The following FOXP4 variants were observed in gnomAD, a reference collection of about 807,000 sequenced individuals.
The protein encoded by FOXP4 is forkhead box protein P4.
FOXP4 carries 25 observed loss-of-function variants against 82.6 expected under a neutral mutation model. The observed-to-expected ratio is 0.30, with a 90% confidence interval of 0.22 to 0.42. The LOEUF is 0.42. FOXP4 is among the 10% of genes least tolerant of loss of function. The pLI is 1.00. For synonymous variants in FOXP4, 415 were observed against 388.2 expected, an observed-to-expected ratio of 1.07 and a Z score of -0.81; for missense variants, 785 against 900.9, an observed-to-expected ratio of 0.87 and a Z score of 1.65.
Position 41,593,607 on chromosome 6 carries a change from C to T in FOXP4, c.1537-1263C>T, listed in dbSNP as rs931499918. Among the ~76,000 whole-genome samples the T allele has an allele frequency of 1.3e-5, 2 of 152,210 alleles. No homozygotes were observed. Among genetic ancestry groups the T allele is most frequent in the African/African-American group, 4.8e-5 (2 of 41,452 alleles). On this transcript the variant is annotated intron_variant, in intron 13 of 16. Coordinates refer to ENST00000307972, the MANE Select transcript of FOXP4 (RefSeq NM_001012426.2). The surrounding 1 kb of genome is among the most constrained non-coding windows in gnomAD (Gnocchi z 4.1). ...CATTCTCATTTGCAAAGCGGAGGAT[C>T]GGAGCCCCGTAATGCGGGCAAATTT... is the stretch of plus-strand genomic sequence containing the variant.
At chr6:41,554,021 G>T (rs1395962337) in intron 1 of FOXP4, among the ~76,000 whole-genome samples, 1 of 152,172 alleles carries the variant, frequency 6.6e-6, no homozygotes, top group African/African-American at 2.4e-5. Context: ...GTTGTGGCAG[G>T]TAGAGCTAGG....
At chr6:41,586,908 C>T in intron 5 of FOXP4, 101 bp from the exon 6 acceptor site, 1 of 1,451,724 alleles carries the variant, frequency 6.9e-7, no homozygotes, top group Admixed American at 2.6e-5. Context: ...GCTCCAGGGG[C>T]TGACAGGCCC....
chr6:41,589,130 C>G (rs1425707760), intron 9 of FOXP4, among the ~76,000 whole-genome samples: 4 of 152,232 alleles, frequency 2.6e-5, no homozygotes, highest in Non-Finnish European at 4.4e-5. Flanking sequence ...AACAGGCACA[C>G]AGAGCTAAAG....
chr6:41,572,335 C>T (rs1397410921), intron 2 of FOXP4, among the ~76,000 whole-genome samples: 1 of 152,186 alleles, frequency 6.6e-6, no homozygotes, highest in African/African-American at 2.4e-5. Context: ...CTCCATGGGA[C>T]ACTCGCCACC....
chr6:41,582,229 T>C (rs1440936855), intron 3 of FOXP4, among the ~76,000 whole-genome samples: 1 of 152,246 alleles, frequency 6.6e-6, no homozygotes, highest in East Asian at 1.9e-4. Context: ...GGCAGGTTAT[T>C]TAACCTCTCT....
intron 2 of FOXP4, among the ~76,000 whole-genome samples, chr6:41,566,822 T>C (rs540804626): frequency 3.4e-4 from 52 of 152,268 alleles, no homozygotes; most frequent in African/African-American, 1.2e-3. Flanking sequence ...GGGCGGGGTA[T>C]GCTAGGAACA....
rs756494063 is a variant in FOXP4 at position 41,597,776 on chromosome 6, T to C, written c.1726-5T>C. ...CTGACGAGGCCCAACCCTGTGCCCC[T>C]GCAGGCCGCCCTGGCCGAGAGCAGC... On this transcript the variant is annotated splice_polypyrimidine_tract_variant and splice_region_variant and intron_variant, in intron 15 of 16. Coordinates refer to ENST00000307972, the MANE Select transcript of FOXP4 (RefSeq NM_001012426.2). 3.7e-6 allele frequency: 6 copies of C among 1,604,790 alleles called. No individual in the cohort carries two copies. The South Asian group carries it at 6.6e-5, about 18-fold the overall frequency.
At chr6:41,592,029 G>T (rs1389198348) in intron 13 of FOXP4, among the ~76,000 whole-genome samples, 1 of 151,938 alleles carries the variant, frequency 6.6e-6, no homozygotes, top group Non-Finnish European at 1.5e-5. Flanking sequence ...CTCAAGGTGG[G>T]AAGGTGATAT....
chr6:41,595,053 C>T, intron 14 of FOXP4, 62 bp downstream of exon 14: 1 of 1,605,712 alleles, frequency 6.2e-7, no homozygotes, highest in Non-Finnish European at 8.5e-7. Flanking sequence ...AACTCACCCC[C>T]ACCCCCTACC....
intron 3 of FOXP4, among the ~76,000 whole-genome samples, chr6:41,582,430 C>T (rs1291741416): frequency 6.6e-6 from 1 of 152,218 alleles, no homozygotes; most frequent in Non-Finnish European, 1.5e-5. Flanking sequence ...CCCAGTTAGC[C>T]GACCGGGAAA....
rs1199670770 is a variant in FOXP4, at chr6:41,578,004, C to T, written c.223C>T (p.Gln75Ter). The part of the protein sequence containing the change: ...QQQQALQVAR[Q>*]FLLQQASGLS... ...CTTGCAGGCTCTCCAAGTGGCCCGG[C>T]AGTTCCTGCTGCAGCAGGCCTCAGG... Residue 75 changes from glutamine (Q) to a stop codon, truncating the protein, a stop_gained, in exon 3 of 17, where the codon CAG becomes TAG. Transcript: ENST00000307972. LOFTEE classifies it high-confidence loss of function. 1 of 1,612,832 alleles carries T rather than the reference C, an allele frequency of 6.2e-7. No homozygotes were observed. The highest frequency in any genetic ancestry group is 1.1e-5 in the South Asian group (1 of 91,068).
At chr6:41,573,574 G>A (rs1011992713) in intron 2 of FOXP4, among the ~76,000 whole-genome samples, 2 of 152,178 alleles carry the variant, frequency 1.3e-5, no homozygotes, top group Non-Finnish European at 2.9e-5. Context: ...TGGTTAGCAA[G>A]GCCTTCTGGG....
rs1764857476 is a variant in FOXP4 at position 41,565,961 on chromosome 6, A to G, written c.201A>G (p.Gln67=). The change falls in exon 2 of 17, where the codon CAA becomes CAG. Residue 67 remains glutamine (Q), a synonymous_variant. Coordinates refer to ENST00000307972, the MANE Select transcript of FOXP4 (RefSeq NM_001012426.2). ...SPAELLHFQQ[Q]QALQVARQFL... is the part of the protein sequence containing the mutation. ...CAGAGCTGCTGCACTTCCAGCAGCA[A>G]CAGGTAGGAACTGGTGCGCCTTGGG... The G allele has an allele frequency of 6.2e-7, 1 of 1,612,462 alleles. No individual in the cohort carries two copies. The highest frequency in any genetic ancestry group is 8.5e-7 in the Non-Finnish European group (1 of 1,179,288).
intron 8 of FOXP4, among the ~76,000 whole-genome samples, chr6:41,588,348 C>A (rs143235157): frequency 2.4e-4 from 36 of 152,336 alleles, no homozygotes; most frequent in African/African-American, 8.4e-4. Context: ...GTCTCCCAGA[C>A]CCTTGCAGCA....
intron 1 of FOXP4, among the ~76,000 whole-genome samples, chr6:41,561,591 G>C (rs145341429): frequency 1.7e-3 from 260 of 152,172 alleles, no homozygotes; most frequent in African/African-American, 5.9e-3. Context: ...GCATGGATTG[G>C]GAAGATAGGG....
chr6:41,582,167 G>A (rs1052724064), intron 3 of FOXP4, among the ~76,000 whole-genome samples: 5 of 152,212 alleles, frequency 3.3e-5, no homozygotes, highest in African/African-American at 1.2e-4. Flanking sequence ...ATTTAATGGC[G>A]TACAAGTCAC....
At chr6:41,562,809 C>T (rs1764662463) in intron 1 of FOXP4, among the ~76,000 whole-genome samples, 1 of 152,210 alleles carries the variant, frequency 6.6e-6, no homozygotes, top group Admixed American at 6.5e-5. Context: ...AGAGGCCCCC[C>T]TCCCTCCTGT....
intron 3 of FOXP4, among the ~76,000 whole-genome samples, chr6:41,583,217 G>A (rs900567430): frequency 6.6e-6 from 1 of 152,224 alleles, no homozygotes; most frequent in Admixed American, 6.5e-5. Context: ...CGCCAGTGAT[G>A]GGGTGAGCGA....
chr6:41,565,940 G>A lies in FOXP4; in HGVS notation c.180G>A (p.Glu60=). The A allele has an allele frequency of 1.2e-6, 2 of 1,613,628 alleles. No individual in the cohort carries two copies. The highest frequency in any genetic ancestry group is 1.1e-5 in the South Asian group (1 of 91,046). Residue 60 remains glutamate (E), a synonymous_variant, in exon 2 of 17, where the codon GAG becomes GAA. Coordinates refer to ENST00000307972, the MANE Select transcript of FOXP4 (RefSeq NM_001012426.2). The stretch of plus-strand genomic sequence containing the variant: ...GCAATGGTGAGATGAGTCCCGCAGA[G>A]CTGCTGCACTTCCAGCAGCAACAGG... ...ADSNGEMSPA[E]LLHFQQQQAL...
Sources: gnomAD v4.1 joint callset for allele counts (sites outside exome capture counted in the v4.1 genomes callset) on GRCh38, gnomAD v4.1.1 for gene constraint, Gnocchi (gnomAD v3.1) non-coding constraint, MANE v1.5 for transcripts, NCBI Gene and HGNC (gene_info 2026-07-23, HGNC 2026-07-21) for gene names.